XKR4: variants seen among roughly 807,000 people sequenced by gnomAD.
The protein encoded by XKR4 is XK related 4, also known as XK-related protein 4.
A neutral mutation model predicts 53.9 loss-of-function variants in XKR4; 12 were observed. The observed-to-expected ratio is 0.22, with a 90% CI of 0.14 to 0.36. XKR4 has a LOEUF of 0.36. Ranked by LOEUF, XKR4 falls within the 10% of genes least tolerant of loss-of-function variation. The pLI, the probability that XKR4 is intolerant of heterozygous loss-of-function variation, is 1.00. For missense variants in XKR4, 799 were observed against 859.5 expected (o/e 0.93, Z 0.88); for synonymous variants, 354 against 362.4 (o/e 0.98, Z 0.26).
chr8:55,298,706 C>T (rs1034118608), intron 1 of XKR4, among the ~76,000 whole-genome samples: 1 of 152,132 alleles, frequency 6.6e-6, no homozygotes, highest in Admixed American at 6.5e-5. Flanking sequence ...TATATCATTG[C>T]CACATTTGCT....
At chr8:55,251,976 A>G (rs1366927336) in intron 1 of XKR4, among the ~76,000 whole-genome samples, 1 of 152,212 alleles carries the variant, frequency 6.6e-6, no homozygotes, top group Non-Finnish European at 1.5e-5. Flanking sequence ...AGCATATTAT[A>G]CTGACTGGCC....
intron 2 of XKR4, among the ~76,000 whole-genome samples, chr8:55,390,704 G>A (rs865933122): frequency 1.6e-4 from 24 of 152,194 alleles, no homozygotes; most frequent in Admixed American, 1.6e-3. Context: ...CCCTGCTGCT[G>A]TTTTTCATGC....
chr8:55,290,249 C>T (rs1354683396), intron 1 of XKR4, among the ~76,000 whole-genome samples: 1 of 151,574 alleles, frequency 6.6e-6, no homozygotes, highest in African/African-American at 2.4e-5. Context: ...CTTGCCTCAG[C>T]CTCCGGAGTA....
chr8:55,466,532 G>A (rs1162851672), intron 2 of XKR4, among the ~76,000 whole-genome samples: 3 of 152,018 alleles, frequency 2.0e-5, no homozygotes, highest in Non-Finnish European at 4.4e-5. Flanking sequence ...TATACCTAAT[G>A]CTAAATGACA....
intron 1 of XKR4, among the ~76,000 whole-genome samples, chr8:55,261,542 T>G (rs1466648449): frequency 1.3e-5 from 2 of 152,224 alleles, no homozygotes; most frequent in African/African-American, 2.4e-5. Flanking sequence ...CATCATTTTT[T>G]GAAGAGTAAT....
At chr8:55,458,821 G>A (rs1363387511) in intron 2 of XKR4, among the ~76,000 whole-genome samples, 1 of 152,142 alleles carries the variant, frequency 6.6e-6, no homozygotes, top group East Asian at 1.9e-4. Context: ...TGCCAGTGGA[G>A]CCTAGGGTTT....
chr8:55,251,747 T>C (rs1373299806), intron 1 of XKR4, among the ~76,000 whole-genome samples: 2 of 152,210 alleles, frequency 1.3e-5, no homozygotes, highest in Non-Finnish European at 2.9e-5. Context: ...TATGCCTCTT[T>C]TGAAATACAG....
rs1806843993 is a variant in XKR4 at position 55,523,990 on chromosome 8, C to A, written c.1716C>A (p.Val572=). 6.2e-7 allele frequency: 1 copy of A among 1,614,088 alleles called. No individual in the cohort carries two copies. Among genetic ancestry groups the A allele is most frequent in the Non-Finnish European group, 8.5e-7 (1 of 1,180,058 alleles). ...KFAERDGCVP[V]FQVRPTAPST... is the part of the protein sequence containing the mutation. ...CAGAGCGGGATGGGTGTGTACCTGT[C>A]TTTCAAGTGAGGCCCACTGCCCCAT... Residue 572 remains valine, a synonymous_variant, in exon 3 of 3, where the codon GTC becomes GTA. Coordinates refer to ENST00000327381, the MANE Select transcript of XKR4 (RefSeq NM_052898.2).
At chr8:55,522,691 G>A (rs900090958) in intron 2 of XKR4, among the ~76,000 whole-genome samples, 1 of 152,120 alleles carries the variant, frequency 6.6e-6, no homozygotes, top group Non-Finnish European at 1.5e-5. Context: ...AGGTCATGAG[G>A]GTAGTAAGTG....
intron 1 of XKR4, among the ~76,000 whole-genome samples, chr8:55,224,703 G>A (rs1233590400): frequency 1.3e-5 from 2 of 152,194 alleles, no homozygotes; most frequent in Non-Finnish European, 2.9e-5. Flanking sequence ...GGGTTACTGA[G>A]AGATGTGTTA....
rs555366448 is a variant in XKR4, at chr8:55,518,527, A to G, written c.1007-4754A>G. On this transcript the variant is annotated intron_variant, in intron 2 of 2. Transcript: ENST00000327381. ...AATACACTAATTAAACAAGCACAAAATGAAGCATAATTATAAAGTGGGATC... is the reference window on the plus strand; with the variant it reads ...AATACACTAATTAAACAAGCACAAAGTGAAGCATAATTATAAAGTGGGATC... 5.9e-5 allele frequency among the ~76,000 whole-genome samples: 9 copies of G among 152,320 alleles called. No homozygotes were observed. In the South Asian group the frequency reaches 1.2e-3, roughly 21 times the overall value.
At chr8:55,277,519 A>T (rs746120091) in intron 1 of XKR4, among the ~76,000 whole-genome samples, 21 of 152,224 alleles carry the variant, frequency 1.4e-4, no homozygotes, top group Non-Finnish European at 2.1e-4. Flanking sequence ...TACTTTATGT[A>T]CACCTTATAC....
chr8:55,259,357 A>AT (rs1730258469), intron 1 of XKR4, among the ~76,000 whole-genome samples: 1 of 152,262 alleles, frequency 6.6e-6, no homozygotes, highest in Non-Finnish European at 1.5e-5. Context: ...AATATCGGGC[A>AT]TTAACAAACA....
chr8:55,363,078 G>A (rs1311433091), intron 2 of XKR4, among the ~76,000 whole-genome samples: 1 of 152,196 alleles, frequency 6.6e-6, no homozygotes, highest in Non-Finnish European at 1.5e-5. Context: ...TGAATTGTTT[G>A]AGTGCCAATC....
chr8:55,333,412 A>C (rs1245528673), intron 1 of XKR4, among the ~76,000 whole-genome samples: 1 of 152,144 alleles, frequency 6.6e-6, no homozygotes, highest in African/African-American at 2.4e-5. Flanking sequence ...GAAGACTTAA[A>C]GTCTTCTCAG....
intron 2 of XKR4, among the ~76,000 whole-genome samples, chr8:55,493,412 A>G (rs573841928): frequency 4.9e-4 from 75 of 152,292 alleles, no homozygotes; most frequent in African/African-American, 1.8e-3. Context: ...GTCTGTAGTC[A>G]CCTGCCTCTG....
At chr8:55,500,531 A>G (rs991019651) in intron 2 of XKR4, among the ~76,000 whole-genome samples, 1 of 152,180 alleles carries the variant, frequency 6.6e-6, no homozygotes, top group African/African-American at 2.4e-5. Context: ...CTAGGATCTT[A>G]CAGTCTAGCT....
intron 2 of XKR4, among the ~76,000 whole-genome samples, chr8:55,428,229 A>G (rs1310690973): frequency 6.6e-6 from 1 of 152,196 alleles, no homozygotes; most frequent in East Asian, 1.9e-4. Flanking sequence ...GATTAGCAAG[A>G]CCAGACAGGG....
At chr8:55,337,088 G>A (rs1803473803) in intron 1 of XKR4, among the ~76,000 whole-genome samples, 1 of 152,156 alleles carries the variant, frequency 6.6e-6, no homozygotes. Flanking sequence ...ATCCTGGCCA[G>A]CCTTTACCCA....
Sources: allele counts gnomAD v4.1 joint callset (sites outside exome capture counted in the v4.1 genomes callset), GRCh38; gene constraint gnomAD v4.1.1; transcripts MANE v1.5; gene names NCBI Gene and HGNC (gene_info 2026-07-23, HGNC 2026-07-21).